CDC42SE2: variants seen among roughly 807,000 people sequenced by gnomAD.
The protein encoded by CDC42SE2 is CDC42 small effector 2, also known as CDC42 small effector protein 2.
A neutral mutation model predicts 11.5 loss-of-function variants in CDC42SE2; 3 were observed. That is an observed-to-expected ratio of 0.26 (90% CI 0.12 to 0.67). The LOEUF (loss-of-function observed/expected upper bound fraction) is 0.67. Ranked by LOEUF, CDC42SE2 falls within the 30% of genes least tolerant of loss-of-function variation. The probability of loss-of-function intolerance (pLI) is 0.80; values close to 1 mark genes in which losing one functional copy is unlikely to be tolerated. For missense variants in CDC42SE2, 82 were observed against 106.8 expected, an observed-to-expected ratio of 0.77 and a Z score of 1.02; for synonymous variants, 33 against 34.8, an observed-to-expected ratio of 0.95 and a Z score of 0.18.
chr5:131,320,911 A>G (rs1340360043), intron 2 of CDC42SE2, among the ~76,000 whole-genome samples: 2 of 152,208 alleles, frequency 1.3e-5, no homozygotes, highest in Non-Finnish European at 2.9e-5. Context: ...GCAATATTAT[A>G]GCTGGGTAGC....
At chr5:131,245,723 A>G (rs921895762) in intron 1 of CDC42SE2, 1 of 152,192 alleles carries the variant, frequency 6.6e-6, no homozygotes, top group Admixed American at 6.5e-5. Context: ...TATTACTTGA[A>G]GTTACTTGAG....
At chr5:131,334,507 T>A (rs1758505714) in intron 2 of CDC42SE2, among the ~76,000 whole-genome samples, 1 of 152,196 alleles carries the variant, frequency 6.6e-6, no homozygotes, top group South Asian at 2.1e-4. Flanking sequence ...ATTCCCTCTT[T>A]TTCTATTGAT....
chr5:131,387,105 G>C (rs925473481), intron 4 of CDC42SE2, among the ~76,000 whole-genome samples: 1 of 152,172 alleles, frequency 6.6e-6, no homozygotes, highest in African/African-American at 2.4e-5. Context: ...CATCAACATA[G>C]AGTGAAAAGA....
the CDC42SE2 span, among the ~76,000 whole-genome samples, chr5:131,239,452 A>G: frequency 2.0e-5 from 3 of 152,158 alleles, no homozygotes; most frequent in African/African-American, 7.2e-5. Context: ...AGAAAAAAAG[A>G]AATATTTTTC....
chr5:131,381,542 C>T (rs988284575), intron 3 of CDC42SE2, among the ~76,000 whole-genome samples: 5 of 152,066 alleles, frequency 3.3e-5, no homozygotes, highest in Non-Finnish European at 7.4e-5. Flanking sequence ...AGGCTGGTCT[C>T]GAACTCTTGA....
chr5:131,353,699 C>T (rs1022129873), intron 2 of CDC42SE2, among the ~76,000 whole-genome samples: 1 of 151,696 alleles, frequency 6.6e-6, no homozygotes, highest in African/African-American at 2.4e-5. Flanking sequence ...TGAGGTCAGG[C>T]GTTTGAGACC....
At position 131,315,294 on chromosome 5, in the gene CDC42SE2, C is replaced by T. The variant is rs1243115367; in HGVS notation, c.-454-682C>T. Among the ~76,000 whole-genome samples the T allele has an allele frequency of 2.0e-5, 3 of 152,140 alleles. No homozygotes were observed. In the East Asian group the frequency reaches 5.8e-4, roughly 29 times the overall value. ...CAGCTAGTCATTTGCAGAATTTGAA[C>T]TTCAGCTTCTGACTCTTAAGTCCAT... On this transcript the variant is annotated intron_variant, in intron 1 of 4. Coordinates refer to ENST00000505065, the MANE Select transcript of CDC42SE2 (RefSeq NM_001375635.1).
At chr5:131,290,685 G>T (rs1267798961) in intron 1 of CDC42SE2, among the ~76,000 whole-genome samples, 1 of 151,634 alleles carries the variant, frequency 6.6e-6, no homozygotes, top group African/African-American at 2.4e-5. Flanking sequence ...TGGCCATGTT[G>T]CCCAGGCTGA....
intron 1 of CDC42SE2, among the ~76,000 whole-genome samples, chr5:131,275,746 T>C (rs903880207): frequency 3.3e-5 from 5 of 152,176 alleles, no homozygotes; most frequent in African/African-American, 1.2e-4. Context: ...GATAGCTCGA[T>C]GGTATCCTGT....
At chr5:131,337,230 C>G (rs948188348) in intron 2 of CDC42SE2, among the ~76,000 whole-genome samples, 42 of 152,288 alleles carry the variant, frequency 2.8e-4, no homozygotes, top group African/African-American at 1.0e-3. Flanking sequence ...TACTGGAGGT[C>G]CACTCCAGAC....
At chr5:131,309,778 G>A (rs1024856552) in intron 1 of CDC42SE2, among the ~76,000 whole-genome samples, 1 of 151,552 alleles carries the variant, frequency 6.6e-6, no homozygotes, top group Non-Finnish European at 1.5e-5. Flanking sequence ...TATTTCTGTG[G>A]GATCGGTGGT....
At chr5:131,261,630 T>C (rs1194931041), upstream of CDC42SE2, 5 of 152,256 alleles carry the variant, frequency 3.3e-5, no homozygotes, top group East Asian at 7.7e-4. Context: ...GGAGGGCGGA[T>C]TGTGTGAGCC....
At chr5:131,279,005 G>T (rs955036634) in intron 1 of CDC42SE2, among the ~76,000 whole-genome samples, 4 of 151,220 alleles carry the variant, frequency 2.6e-5, no homozygotes, top group Admixed American at 1.3e-4. Context: ...GACTGGTCTT[G>T]AACTCCCAAC....
chr5:131,355,488 AAG>A (rs948494295), intron 2 of CDC42SE2, among the ~76,000 whole-genome samples: 7 of 152,022 alleles, frequency 4.6e-5, no homozygotes, highest in Non-Finnish European at 8.8e-5. Context: ...AAAAAAAAGA[AAG>A]AGAGAGAGAA....
intron 1 of CDC42SE2, among the ~76,000 whole-genome samples, chr5:131,310,595 G>T (rs1175152721): frequency 4.6e-5 from 7 of 151,352 alleles, no homozygotes; most frequent in Non-Finnish European, 8.8e-5. Context: ...TCTCTTTGTA[G>T]GTCACTCAGG....
In CDC42SE2 at chr5:131,267,255, G is replaced by A. The variant is rs897118530; in HGVS notation, c.-455+3089G>A. On this transcript the variant is annotated intron_variant, in intron 1 of 4. Transcript: ENST00000505065. ...TTTTTAGTAGAGACAGGGTTTCACC[G>A]TGTTGGCCATCCATGATGGTCTCGG... Among the ~76,000 whole-genome samples the A allele has an allele frequency of 2.6e-5, 4 of 151,868 alleles. No homozygotes were observed. In the South Asian group the frequency reaches 8.3e-4, roughly 32 times the overall value.
chr5:131,342,539 C>A (rs1758736994), intron 2 of CDC42SE2, among the ~76,000 whole-genome samples: 1 of 150,600 alleles, frequency 6.6e-6, no homozygotes, highest in South Asian at 2.1e-4. Context: ...CAGGCGCCCG[C>A]CACTATGCCC....
At chr5:131,309,253 G>C (rs1369936782) in intron 1 of CDC42SE2, among the ~76,000 whole-genome samples, 2 of 150,866 alleles carry the variant, frequency 1.3e-5, no homozygotes, top group African/African-American at 4.8e-5. Flanking sequence ...TACATTTATT[G>C]ATTTGCGTAT....
At chr5:131,344,076 C>T (rs565345232) in intron 2 of CDC42SE2, among the ~76,000 whole-genome samples, 2 of 152,270 alleles carry the variant, frequency 1.3e-5, no homozygotes, top group African/African-American at 4.8e-5. Context: ...AGGAACAGCT[C>T]CAGTCTGCAG....
Sources: gnomAD v4.1 joint callset for allele counts (sites outside exome capture counted in the v4.1 genomes callset) on GRCh38, gnomAD v4.1.1 for gene constraint, MANE v1.5 for transcripts, NCBI Gene and HGNC (gene_info 2026-07-23, HGNC 2026-07-21) for gene names.